The following MARCHF1 variants were observed in gnomAD, a reference collection of about 807,000 sequenced individuals.
The protein encoded by MARCHF1 is membrane associated ring-CH-type finger 1, also known as E3 ubiquitin-protein ligase MARCHF1.
Under a neutral mutation model 54.2 loss-of-function variants are expected in MARCHF1, and 40 were observed. The observed-to-expected ratio is 0.74, with a 90% CI of 0.57 to 0.96. The LOEUF is 0.96. MARCHF1 is among the 40% of genes least tolerant of loss of function. MARCHF1 has a pLI of 0.00. For missense variants in MARCHF1, 586 were observed against 656.5 expected, an observed-to-expected ratio of 0.89 and a Z score of 1.17; for synonymous variants, 236 against 236.3, an observed-to-expected ratio of 1.00 and a Z score of 0.01.
At chr4:163,732,384 A>G (rs1365934610) in intron 4 of MARCHF1, among the ~76,000 whole-genome samples, 1 of 152,156 alleles carries the variant, frequency 6.6e-6, no homozygotes, top group East Asian at 1.9e-4. Context: ...AAAGAACATC[A>G]GTGAACTAGA....
At chr4:164,118,946 G>GA (rs56113501) in intron 1 of MARCHF1, among the ~76,000 whole-genome samples, 102,483 of 147,782 alleles carry the variant, frequency 0.69, 37,236 homozygotes, top group Non-Finnish European at 0.82. Flanking sequence ...TAAATTGAAT[G>GA]AAAAAAATAT....
At chr4:164,002,843 G>C (rs964400005) in intron 2 of MARCHF1, among the ~76,000 whole-genome samples, 3 of 151,684 alleles carry the variant, frequency 2.0e-5, no homozygotes, top group African/African-American at 7.2e-5. Context: ...TCATAGAAGA[G>C]AAGAAAAATA....
intron 1 of MARCHF1, among the ~76,000 whole-genome samples, chr4:164,234,088 T>G (rs1732484250): frequency 6.6e-6 from 1 of 152,136 alleles, no homozygotes; most frequent in Admixed American, 6.6e-5. Flanking sequence ...TTTTGACATT[T>G]TGAATTAAGA....
At chr4:163,596,745 T>C (rs1434347952) in intron 7 of MARCHF1, among the ~76,000 whole-genome samples, 1 of 152,116 alleles carries the variant, frequency 6.6e-6, no homozygotes, top group African/African-American at 2.4e-5. Context: ...TTGAGATAGT[T>C]CAATGAATAA....
At chr4:164,363,085 T>C (rs1730773175) in intron 1 of MARCHF1, among the ~76,000 whole-genome samples, 1 of 152,060 alleles carries the variant, frequency 6.6e-6, no homozygotes, top group African/African-American at 2.4e-5. Flanking sequence ...ACATAAAATA[T>C]ACATATGTTC....
chr4:163,944,450 G>A (rs1178524826), intron 3 of MARCHF1, among the ~76,000 whole-genome samples: 2 of 152,158 alleles, frequency 1.3e-5, no homozygotes, highest in African/African-American at 4.8e-5. Flanking sequence ...AAGTGAGCAA[G>A]GTAACAGGAT....
At chr4:163,971,317 T>C (rs149473062) in intron 3 of MARCHF1, among the ~76,000 whole-genome samples, 350 of 152,312 alleles carry the variant, frequency 2.3e-3, no homozygotes, top group African/African-American at 8.2e-3. Flanking sequence ...AAGGTATTAA[T>C]AGGTAAATAA....
At chr4:163,577,085 G>C (rs1740065042) in intron 8 of MARCHF1, among the ~76,000 whole-genome samples, 1 of 151,998 alleles carries the variant, frequency 6.6e-6, no homozygotes, top group Admixed American at 6.6e-5. Flanking sequence ...GATTTGTGAG[G>C]TTTTGATCCT....
intron 2 of MARCHF1, among the ~76,000 whole-genome samples, chr4:164,056,197 T>G (rs769662192): frequency 1.9e-4 from 29 of 152,114 alleles, no homozygotes; most frequent in Middle Eastern, 3.2e-3. Context: ...CCTACATCTA[T>G]TTGTCAAAAG....
chr4:164,251,790 A>T (rs1733136197), intron 1 of MARCHF1, among the ~76,000 whole-genome samples: 1 of 152,204 alleles, frequency 6.6e-6, no homozygotes, highest in Non-Finnish European at 1.5e-5. Context: ...CTAATAAATT[A>T]AAATCTCAAT....
At chr4:164,185,070 C>A (rs1730931422) in intron 1 of MARCHF1, among the ~76,000 whole-genome samples, 1 of 152,086 alleles carries the variant, frequency 6.6e-6, no homozygotes, top group Non-Finnish European at 1.5e-5. Flanking sequence ...TGTGCATTAA[C>A]AATATAAATA....
intron 5 of MARCHF1, among the ~76,000 whole-genome samples, chr4:163,681,254 G>C (rs139702519): frequency 0.017 from 2,542 of 152,074 alleles, 46 homozygotes; most frequent in South Asian, 0.053. Context: ...GCTATATAAA[G>C]AAAGAAAGAT....
At chr4:163,786,162 A>G (rs1747613325) in intron 4 of MARCHF1, among the ~76,000 whole-genome samples, 1 of 152,020 alleles carries the variant, frequency 6.6e-6, no homozygotes, top group Non-Finnish European at 1.5e-5. Flanking sequence ...AATGTAAGAT[A>G]ATAAACTTGT....
intron 1 of MARCHF1, among the ~76,000 whole-genome samples, chr4:164,249,751 A>G (rs1486546665): frequency 7.3e-6 from 1 of 136,928 alleles, no homozygotes; most frequent in Non-Finnish European, 1.7e-5. Flanking sequence ...CCTAGAATAC[A>G]GACGGTTAGG....
chr4:163,837,775 CATG>C (rs563057302), intron 4 of MARCHF1, among the ~76,000 whole-genome samples: 90 of 152,150 alleles, frequency 5.9e-4, no homozygotes, highest in Non-Finnish European at 1.2e-3. Flanking sequence ...AATAAGCGCA[CATG>C]ATATCAAAAA....
chr4:164,021,436 AC>A (rs1244080500), intron 2 of MARCHF1, among the ~76,000 whole-genome samples: 1 of 152,112 alleles, frequency 6.6e-6, no homozygotes, highest in East Asian at 1.9e-4. Context: ...CCCCATAAAT[AC>A]TTATTTATCT....
intron 3 of MARCHF1, among the ~76,000 whole-genome samples, chr4:163,867,219 G>A (rs899505210): frequency 6.6e-6 from 1 of 151,776 alleles, no homozygotes; most frequent in African/African-American, 2.4e-5. Flanking sequence ...GGTCTGAGAC[G>A]CCCAACATAA....
chr4:164,081,683 G>A (rs1755104023), intron 2 of MARCHF1, among the ~76,000 whole-genome samples: 1 of 151,858 alleles, frequency 6.6e-6, no homozygotes, highest in Non-Finnish European at 1.5e-5. Flanking sequence ...GGAATTATGG[G>A]GAAAACATGC....
chr4:163,816,761 C>T (rs1748545308), intron 4 of MARCHF1, among the ~76,000 whole-genome samples: 1 of 152,088 alleles, frequency 6.6e-6, no homozygotes, highest in Admixed American at 6.6e-5. Context: ...TTTCCAAACC[C>T]ATGCTCAGTG....
Sources: allele counts gnomAD v4.1 joint callset (sites outside exome capture counted in the v4.1 genomes callset), GRCh38; gene constraint gnomAD v4.1.1; transcripts MANE v1.5; gene names NCBI Gene and HGNC (gene_info 2026-07-23, HGNC 2026-07-21).